The following EYS variants were observed in gnomAD, a reference collection of about 807,000 sequenced individuals.
EYS encodes EGF-like photoreceptor maintenance factor.
A neutral mutation model predicts 282.1 loss-of-function variants in EYS; 250 were observed. The ratio of observed to expected loss-of-function variants is 0.89; its 90% CI spans 0.80 to 0.98. The LOEUF (loss-of-function observed/expected upper bound fraction) is 0.98. Among genes scored for constraint, EYS ranks in the 50% least tolerant of loss-of-function variants. The pLI is 0.00. For missense variants in EYS, 4,016 were observed against 3,709.0 expected, an observed-to-expected ratio of 1.08 and a Z score of -2.15; for synonymous variants, 1,355 against 1,282.9, an observed-to-expected ratio of 1.06 and a Z score of -1.20.
At chr6:64,798,607 G>GTTTTTTTTTTTT (rs57597318) in intron 22 of EYS, among the ~76,000 whole-genome samples, 5 of 106,810 alleles carry the variant, frequency 4.7e-5, no homozygotes, top group Admixed American at 1.1e-4. Flanking sequence ...TTTGTTTCTG[G>GTTTTTTTTTTTT]TTTTTTTTTT....
chr6:64,321,411 C>T (rs1032616224), intron 29 of EYS, among the ~76,000 whole-genome samples: 2 of 151,628 alleles, frequency 1.3e-5, no homozygotes, highest in Non-Finnish European at 3.0e-5. Flanking sequence ...TATTTGAAAG[C>T]TAATAAATAA....
intron 22 of EYS, among the ~76,000 whole-genome samples, chr6:64,716,137 T>G (rs1771382877): frequency 1.3e-5 from 2 of 152,166 alleles, no homozygotes; most frequent in Admixed American, 6.5e-5. Context: ...TAAGTTCAGG[T>G]GACATTTTTG....
intron 1 of EYS, among the ~76,000 whole-genome samples, chr6:65,668,447 A>T (rs559818550): frequency 6.6e-6 from 1 of 151,904 alleles, no homozygotes; most frequent in Non-Finnish European, 1.5e-5. Context: ...ACATGATTTT[A>T]TTGAATCACA....
At chr6:65,502,742 T>A (rs1263120944) in intron 2 of EYS, among the ~76,000 whole-genome samples, 1 of 151,618 alleles carries the variant, frequency 6.6e-6, no homozygotes, top group South Asian at 2.1e-4. Flanking sequence ...ATTGGTTAAG[T>A]ATTTGTAGAA....
At chr6:64,108,549 A>T (rs1450105501) in intron 31 of EYS, among the ~76,000 whole-genome samples, 1 of 147,210 alleles carries the variant, frequency 6.8e-6, no homozygotes, top group Non-Finnish European at 1.5e-5. Context: ...TGAATCTTTA[A>T]GCCTCCGTAA....
intron 41 of EYS, among the ~76,000 whole-genome samples, chr6:63,736,772 G>A (rs1302001440): frequency 1.3e-5 from 2 of 151,190 alleles, no homozygotes; most frequent in Non-Finnish European, 3.0e-5. Flanking sequence ...TTGAGCAGTG[G>A]TTTGTAGTTC....
chr6:65,541,696 C>T (rs61657467), intron 2 of EYS, among the ~76,000 whole-genome samples: 5,712 of 152,024 alleles, frequency 0.038, 274 homozygotes, highest in African/African-American at 0.11. Context: ...TTAGCCTACC[C>T]TTGTCCCATG....
intron 26 of EYS, among the ~76,000 whole-genome samples, chr6:64,558,277 C>T (rs1765292934): frequency 6.6e-6 from 1 of 152,074 alleles, no homozygotes; most frequent in Admixed American, 6.6e-5. Flanking sequence ...TACTCTTATA[C>T]TTTTGCTGTA....
chr6:65,350,763 C>G (rs1770568635), intron 9 of EYS, among the ~76,000 whole-genome samples: 1 of 151,676 alleles, frequency 6.6e-6, no homozygotes, highest in Admixed American at 6.6e-5. Flanking sequence ...AGCTCTTTCT[C>G]AAGATGTGCA....
chr6:64,253,073 C>A (rs1481965860), intron 30 of EYS, among the ~76,000 whole-genome samples: 1 of 152,038 alleles, frequency 6.6e-6, no homozygotes, highest in Non-Finnish European at 1.5e-5. Flanking sequence ...ATGCTTTTAA[C>A]TATATGTGAG....
chr6:65,018,711 GT>G (rs895099288), intron 13 of EYS, among the ~76,000 whole-genome samples: 44 of 151,498 alleles, frequency 2.9e-4, no homozygotes, highest in Admixed American at 1.3e-3. Flanking sequence ...TTGTTTAGAA[GT>G]TTTTTTTTAA....
chr6:64,155,455 C>A (rs1774884607), intron 31 of EYS, among the ~76,000 whole-genome samples: 1 of 151,868 alleles, frequency 6.6e-6, no homozygotes, highest in South Asian at 2.1e-4. Flanking sequence ...TGATTTTCAG[C>A]ACCAGGCTCT....
intron 35 of EYS, among the ~76,000 whole-genome samples, chr6:63,935,338 T>C (rs777657295): frequency 6.6e-6 from 1 of 152,252 alleles, no homozygotes; most frequent in Admixed American, 6.5e-5. Flanking sequence ...TCTGGCCACA[T>C]GCCCTCTTAG....
chr6:63,830,544 C>T (rs1582253018), intron 36 of EYS, among the ~76,000 whole-genome samples: 2 of 152,160 alleles, frequency 1.3e-5, no homozygotes, highest in East Asian at 3.9e-4. Flanking sequence ...GAAACAAAGC[C>T]TCCAAGAAAT....
At chr6:64,525,693 T>C (rs1230766231) in intron 26 of EYS, among the ~76,000 whole-genome samples, 1 of 151,320 alleles carries the variant, frequency 6.6e-6, no homozygotes, top group Non-Finnish European at 1.5e-5. Context: ...AAAATAAAAA[T>C]AAAAATAAAA....
intron 13 of EYS, among the ~76,000 whole-genome samples, chr6:65,056,619 T>C (rs780262847): frequency 1.3e-5 from 2 of 152,000 alleles, no homozygotes; most frequent in Non-Finnish European, 2.9e-5. Flanking sequence ...CTAATATTTT[T>C]ACCGAGATTA....
chr6:65,504,600 C>A (rs1766583243), intron 2 of EYS, among the ~76,000 whole-genome samples: 1 of 151,370 alleles, frequency 6.6e-6, no homozygotes, highest in Admixed American at 6.6e-5. Context: ...AGTTTTCATC[C>A]AGATTAGTTG....
intron 36 of EYS, among the ~76,000 whole-genome samples, chr6:63,842,454 G>A (rs1771986066): frequency 6.6e-6 from 1 of 151,894 alleles, no homozygotes; most frequent in African/African-American, 2.4e-5. Flanking sequence ...TTTTGATGGG[G>A]CTTGTTTTTT....
rs144068267 is a variant in EYS at position 63,754,256 on chromosome 6, A to G, written c.8071+8205T>C. Among the ~76,000 whole-genome samples, 610 of 152,190 alleles carry G rather than the reference A, an allele frequency of 4.0e-3. 5 individuals carry two copies. The highest frequency in any genetic ancestry group is 0.014 in the African/African-American group (586 of 41,516). On this transcript the variant is annotated intron_variant, in intron 41 of 42. Coordinates refer to ENST00000503581, the MANE Select transcript of EYS (RefSeq NM_001142800.2). The stretch of plus-strand genomic sequence containing the variant: ...TGTGCACAACATGCAGGTTTGTTAC[A>G]TAGGTATACATGTGTGATGTTGGTT...
Sources: gnomAD v4.1 joint callset for allele counts (sites outside exome capture counted in the v4.1 genomes callset) on GRCh38, gnomAD v4.1.1 for gene constraint, MANE v1.5 for transcripts, NCBI Gene and HGNC (gene_info 2026-07-23, HGNC 2026-07-21) for gene names.